Variants in RDH13 observed in about 807,000 individuals in gnomAD.
RDH13 encodes the protein retinol dehydrogenase 13 (all-trans and 9-cis).
In RDH13, 35 loss-of-function variants were observed where a neutral mutation model predicts 28.3. The observed-to-expected ratio is 1.24, with a 90% CI of 0.95 to 1.64. RDH13 has a LOEUF of 1.64. RDH13 is among the 40% of genes most tolerant of loss of function. The pLI is 0.00. For synonymous variants in RDH13, 229 were observed against 198.5 expected (o/e 1.15, Z -1.29); for missense variants, 514 against 446.3 (o/e 1.15, Z -1.37).
rs201911347 is a variant in RDH13, at chr19:55,048,411, C to T, written c.576G>A (p.Arg192=). Residue 192 remains arginine (R), a synonymous_variant, in exon 5 of 7, where the codon AGG becomes AGA. Coordinates refer to ENST00000415061, the MANE Select transcript of RDH13 (RefSeq NM_001145971.2). ...IDFDDLNWQT[R]KYNTKAAYCQ... ...AGTAGGCGGCTTTGGTGTTATACTT[C>T]CTCGTCTGCCAGTTCAAGTCGTCAA... is the stretch of plus-strand genomic sequence containing the variant. The T allele has an allele frequency of 7.3e-5, 118 of 1,613,954 alleles. No homozygotes were observed. The East Asian group carries it at 2.4e-3, about 33-fold the overall frequency.
At chr19:55,065,472 TG>T (rs374855321), upstream of RDH13, among the ~76,000 whole-genome samples, 84 of 151,738 alleles carry the variant, frequency 5.5e-4, 1 homozygote, top group African/African-American at 1.8e-3. Context: ...AAAACAACAC[TG>T]TTTTTCCCTG....
rs539254204 is a variant in RDH13, at chr19:55,045,257, G to T, written c.813C>A (p.Ser271Arg). 5.5e-5 allele frequency: 89 copies of T among 1,613,234 alleles called. No individual in the cohort carries two copies. In the East Asian group the frequency reaches 1.9e-3, roughly 35 times the overall value. The change falls in exon 7 of 7, where the codon AGC (serine) becomes AGA (arginine). Residue 271 changes from serine (S) to arginine (R), a missense_variant. Transcript: ENST00000415061. ...GTTCCTCCGCCACGGCCAGGTATGT[G>T]CTGGGCTGGGCGGCCAGCTCGGGGC... ...VKSPELAAQP[S>R]TYLAVAEELA...
chr19:55,050,946 C>G (rs2075409210), intron 3 of RDH13: 1 of 151,232 alleles, frequency 6.6e-6, no homozygotes, highest in Non-Finnish European at 1.5e-5. Context: ...GGCTCCACCC[C>G]GACCAGCTGC....
At chr19:55,040,697 G>A (rs890332498), downstream of RDH13, 3 of 152,200 alleles carry the variant, frequency 2.0e-5, no homozygotes, top group Non-Finnish European at 2.9e-5. Context: ...TAATACATAA[G>A]CTGGCTTTAA....
upstream of RDH13, among the ~76,000 whole-genome samples, chr19:55,068,072 T>C (rs980996781): frequency 7.4e-6 from 1 of 134,560 alleles, no homozygotes; most frequent in Non-Finnish European, 1.6e-5. Context: ...CCATCTCTCT[T>C]TCTCTCCCCC....
At chr19:55,051,742 T>A (rs1227291603) in intron 3 of RDH13, among the ~76,000 whole-genome samples, 1 of 150,768 alleles carries the variant, frequency 6.6e-6, no homozygotes, top group Non-Finnish European at 1.5e-5. Context: ...TTTTTTTTTT[T>A]CTTTTTATGA....
chr19:55,047,298 C>G (rs1029470424), intron 6 of RDH13, 89 bp downstream of exon 6: 1 of 1,529,508 alleles, frequency 6.5e-7, no homozygotes, highest in Admixed American at 2.0e-5. Flanking sequence ...GCCTCAGGGA[C>G]GGTCTCTGAG....
In RDH13 at chr19:55,048,320, C is replaced by T. The variant is rs1363081229; in HGVS notation, c.658+9G>A. On this transcript the variant is annotated intron_variant, in intron 5 of 6. Transcript: ENST00000415061. The stretch of plus-strand genomic sequence containing the variant: ...AGCAAGAGGGAGGCCGAGCCTAGCG[C>T]CCCCGTACCTTGCAGCCGCCGGCTC... The T allele has an allele frequency of 1.9e-6, 3 of 1,613,994 alleles. No homozygotes were observed. The highest frequency in any genetic ancestry group is 2.2e-5 in the South Asian group (2 of 91,082).
downstream of RDH13, chr19:55,042,511 A>T (rs1465699724): frequency 6.6e-6 from 1 of 152,086 alleles, no homozygotes; most frequent in Admixed American, 6.5e-5. Context: ...TGCCTGGGTG[A>T]GTCCTACGCA....
intron 3 of RDH13, among the ~76,000 whole-genome samples, chr19:55,052,059 T>G (rs367961380): frequency 3.1e-3 from 333 of 108,612 alleles, no homozygotes; most frequent in African/African-American, 0.011. Context: ...GGGAACTGCC[T>G]CAACTTTTTT....
In RDH13 at chr19:55,056,645, TCTC is replaced by T. The variant is rs200356114; in HGVS notation, c.340+5_340+7del. On this transcript the variant is annotated splice_donor_5th_base_variant and intron_variant, in intron 3 of 6. Coordinates refer to ENST00000415061, the MANE Select transcript of RDH13 (RefSeq NM_001145971.2). ...AGTCCTCATCCCACATGGCCAGCGT[TCTC>T]CTACCTTCAATGATCTTTGCTGCAA... 8.3e-4 allele frequency: 1,334 copies of T among 1,613,804 alleles called. 14 individuals are homozygous for T. In the African/African-American group the frequency reaches 0.014, roughly 17 times the overall value.
At chr19:55,051,584 C>T (rs956844488) in intron 3 of RDH13, among the ~76,000 whole-genome samples, 13 of 152,012 alleles carry the variant, frequency 8.6e-5, no homozygotes, top group East Asian at 3.9e-4. Context: ...TGCCCGCCAC[C>T]GCACCCTGCT....
intron 3 of RDH13, among the ~76,000 whole-genome samples, chr19:55,056,412 C>T (rs1264611973): frequency 2.0e-5 from 3 of 152,096 alleles, no homozygotes; most frequent in Non-Finnish European, 2.9e-5. Context: ...GAGCCGAGAT[C>T]GCGCCATTGC....
intron 3 of RDH13, among the ~76,000 whole-genome samples, chr19:55,051,315 A>G (rs2075424530): frequency 6.6e-6 from 1 of 152,206 alleles, no homozygotes; most frequent in African/African-American, 2.4e-5. Context: ...GGGAAGGGGG[A>G]TGCAGGCAGC....
In RDH13 at chr19:55,053,401, A is replaced by G. The variant is rs574874095; in HGVS notation, c.340+3252T>C. Among the ~76,000 whole-genome samples, 17 of 151,852 alleles carry G rather than the reference A, an allele frequency of 1.1e-4. 1 individual carries two copies. The highest frequency in any genetic ancestry group is 3.4e-3 in the Middle Eastern group (1 of 294). ...CTGGGCGTGGTGGCTCATGCCTGTA[A>G]TCCCAGCACTTTGGGAGGCCGAGGT... On this transcript the variant is annotated intron_variant, in intron 3 of 6. Transcript: ENST00000415061.
rs201878550 is a variant in RDH13, at chr19:55,048,732, G to A, written c.372C>T (p.Asn124=). ...EEERVDILIN[N]AGVMRCPHWT... ...AGTGGGGGCACCGCATCACACCCGCGTTGTTGATTAGAATGTCCACTCGCT... is the reference window on the plus strand; with the variant it reads ...AGTGGGGGCACCGCATCACACCCGCATTGTTGATTAGAATGTCCACTCGCT... Residue 124 remains asparagine, a synonymous_variant, in exon 4 of 7, where the codon AAC becomes AAT. Coordinates refer to ENST00000415061, the MANE Select transcript of RDH13 (RefSeq NM_001145971.2). 2.8e-5 allele frequency: 45 copies of A among 1,613,898 alleles called. No homozygotes were observed. Among genetic ancestry groups the A allele is most frequent in the Middle Eastern group, 1.6e-4 (1 of 6,084 alleles).
chr19:55,049,555 C>T (rs965944033), intron 3 of RDH13, among the ~76,000 whole-genome samples: 8 of 152,002 alleles, frequency 5.3e-5, no homozygotes, highest in African/African-American at 7.2e-5. Context: ...TTTGGGAGGC[C>T]GAGGTGGGCA....
At chr19:55,064,623 T>G (rs1261285547), upstream of RDH13, among the ~76,000 whole-genome samples, 1 of 151,416 alleles carries the variant, frequency 6.6e-6, no homozygotes, top group African/African-American at 2.4e-5. Flanking sequence ...TTGTTTTGTT[T>G]TGTTTTTTGA....
upstream of RDH13, among the ~76,000 whole-genome samples, chr19:55,066,849 G>C (rs1444027251): frequency 1.3e-5 from 2 of 151,986 alleles, no homozygotes; most frequent in Admixed American, 6.6e-5. Flanking sequence ...ATAAGCAAAG[G>C]GGGGCAAGGA....
Sources: gnomAD v4.1 joint callset for allele counts (sites outside exome capture counted in the v4.1 genomes callset) on GRCh38, gnomAD v4.1.1 for gene constraint, MANE v1.5 for transcripts, NCBI Gene and HGNC (gene_info 2026-07-23, HGNC 2026-07-21) for gene names.